PDE3A: variants seen among roughly 807,000 people sequenced by gnomAD.
PDE3A encodes phosphodiesterase 3A.
PDE3A carries 43 observed loss-of-function variants against 98.3 expected under a neutral mutation model. That is an observed-to-expected ratio of 0.44 (90% CI 0.34 to 0.56). The LOEUF (loss-of-function observed/expected upper bound fraction) is 0.56, where lower values mean the gene tolerates loss of function less well. PDE3A is among the 20% of genes least tolerant of loss of function. The pLI is 0.01. For synonymous variants in PDE3A, 663 were observed against 567.9 expected (o/e 1.17, Z -2.38); for missense variants, 1,427 against 1,440.7 (o/e 0.99, Z 0.15).
Position 20,648,820 on chromosome 12 carries a change from C to G in PDE3A, c.2698C>G (p.Leu900Val), listed in dbSNP as rs1280653666. The change falls in exon 13 of 16, where the codon CTT becomes GTT. Residue 900 changes from leucine (L) to valine (V), a missense_variant. This residue lies in a region of PDE3A where 273 missense variants were observed against 420.3 expected (regional missense o/e 0.65). Transcript: ENST00000359062. ...DHVEFKHFRF[L>V]VIEAILATDL... ...TGTGGAATTTAAGCATTTCCGTTTCCTTGTCATTGAAGCAATTTTGGCCAC... is the reference window on the plus strand; with the variant it reads ...TGTGGAATTTAAGCATTTCCGTTTCGTTGTCATTGAAGCAATTTTGGCCAC... 1 of 1,613,676 alleles carries G rather than the reference C, an allele frequency of 6.2e-7. No individual in the cohort carries two copies. Among genetic ancestry groups the G allele is most frequent in the Non-Finnish European group, 8.5e-7 (1 of 1,179,856 alleles).
intron 1 of PDE3A, among the ~76,000 whole-genome samples, chr12:20,488,879 C>CAAAA (rs5796863): frequency 6.7e-5 from 8 of 118,966 alleles, no homozygotes; most frequent in African/African-American, 1.3e-4. Context: ...TCCCTGTCTC[C>CAAAA]AAAAAAAAAA....
intron 2 of PDE3A, among the ~76,000 whole-genome samples, chr12:20,592,508 T>A (rs1360453709): frequency 6.6e-6 from 1 of 152,202 alleles, no homozygotes; most frequent in East Asian, 1.9e-4. Context: ...TCCAATGATG[T>A]ATGTGTGCTG....
At chr12:20,403,243 G>T (rs1944167039) in intron 1 of PDE3A, among the ~76,000 whole-genome samples, 1 of 152,156 alleles carries the variant, frequency 6.6e-6, no homozygotes, top group African/African-American at 2.4e-5. Context: ...ATATTTTCCT[G>T]ATGCTGAATG....
At chr12:20,446,452 G>T (rs779047499) in intron 1 of PDE3A, among the ~76,000 whole-genome samples, 2 of 152,148 alleles carry the variant, frequency 1.3e-5, no homozygotes, top group Non-Finnish European at 2.9e-5. Context: ...TGGCGAGAAG[G>T]CTGATCCTTA....
intron 1 of PDE3A, among the ~76,000 whole-genome samples, chr12:20,510,701 G>C (rs1276432569): frequency 1.3e-5 from 2 of 152,032 alleles, no homozygotes; most frequent in Non-Finnish European, 2.9e-5. Context: ...TTCCATTGTA[G>C]AAATAGAAGA....
chr12:20,457,446 A>G (rs1945171874), intron 1 of PDE3A, among the ~76,000 whole-genome samples: 1 of 151,908 alleles, frequency 6.6e-6, no homozygotes, highest in Non-Finnish European at 1.5e-5. Flanking sequence ...ATACATATAC[A>G]TGCATGTAAC....
chr12:20,560,999 A>T (rs2121284126), intron 2 of PDE3A, among the ~76,000 whole-genome samples: 1 of 149,592 alleles, frequency 6.7e-6, no homozygotes, highest in East Asian at 1.9e-4. Context: ...GCAGTGGCTC[A>T]CGCTTGTAAT....
At position 20,518,719 on chromosome 12, in the gene PDE3A, A is replaced by G. The variant is rs548609892; in HGVS notation, c.961-37941A>G. Reference sequence around the variant, plus strand: ...TGGTGACCAATTTTTTTGGTAAAAGAGTTAATAAATCACTTAATAATGGAT... The same window carrying G: ...TGGTGACCAATTTTTTTGGTAAAAGGGTTAATAAATCACTTAATAATGGAT... On this transcript the variant is annotated intron_variant, in intron 1 of 15. Transcript: ENST00000359062. Among the ~76,000 whole-genome samples, 13 of 152,334 alleles carry G rather than the reference A, an allele frequency of 8.5e-5. No homozygotes were observed. In the East Asian group the frequency reaches 2.3e-3, roughly 27 times the overall value.
chr12:20,505,470 A>C (rs755870370), intron 1 of PDE3A, among the ~76,000 whole-genome samples: 14 of 151,938 alleles, frequency 9.2e-5, no homozygotes, highest in Non-Finnish European at 1.5e-4. Context: ...GTACATTTTT[A>C]GGTCCTCTCA....
intron 1 of PDE3A, among the ~76,000 whole-genome samples, chr12:20,425,617 A>G (rs1301826433): frequency 6.6e-6 from 1 of 152,216 alleles, no homozygotes; most frequent in Non-Finnish European, 1.5e-5. Context: ...AGTGACTTTC[A>G]TATTTAGGAT....
At chr12:20,609,945 T>TTAC (rs1170039317) in intron 2 of PDE3A, among the ~76,000 whole-genome samples, 10 of 134,140 alleles carry the variant, frequency 7.5e-5, no homozygotes, top group African/African-American at 2.1e-4. Context: ...GTGAAACTTA[T>TTAC]AGAAGAGAAC....
chr12:20,404,596 T>C (rs1296566427), intron 1 of PDE3A, among the ~76,000 whole-genome samples: 1 of 152,190 alleles, frequency 6.6e-6, no homozygotes, highest in African/African-American at 2.4e-5. Context: ...AAAATAAATA[T>C]ATTGAATGGT....
chr12:20,603,539 T>G (rs928347242), intron 2 of PDE3A, among the ~76,000 whole-genome samples: 1 of 151,890 alleles, frequency 6.6e-6, no homozygotes, highest in African/African-American at 2.4e-5. Flanking sequence ...GGTTTTTGTT[T>G]TTATTGTTTT....
intron 1 of PDE3A, among the ~76,000 whole-genome samples, chr12:20,532,919 G>A (rs1043982313): frequency 2.0e-4 from 31 of 151,586 alleles, no homozygotes; most frequent in Non-Finnish European, 3.4e-4. Context: ...CTCGTGATCC[G>A]CCCGCCTCGG....
chr12:20,596,188 C>A (rs1943462040), intron 2 of PDE3A, among the ~76,000 whole-genome samples: 1 of 152,122 alleles, frequency 6.6e-6, no homozygotes, highest in African/African-American at 2.4e-5. Context: ...GCAATTATGT[C>A]TACAAGAAGA....
At position 20,540,081 on chromosome 12, in the gene PDE3A, C is replaced by T. The variant is rs1811894577; in HGVS notation, c.961-16579C>T. Among the ~76,000 whole-genome samples, 3 of 152,062 alleles carry T rather than the reference C, an allele frequency of 2.0e-5. No individual in the cohort carries two copies. In the South Asian group the frequency reaches 6.2e-4, roughly 31 times the overall value. On this transcript the variant is annotated intron_variant, in intron 1 of 15. Transcript: ENST00000359062. Reference sequence around the variant, plus strand: ...CTGTAACAGGACTAGATTGTTTAAACAGCAAGTAAAAGCCTGAAAAGAAGA... The same window carrying T: ...CTGTAACAGGACTAGATTGTTTAAATAGCAAGTAAAAGCCTGAAAAGAAGA...
intron 15 of PDE3A, among the ~76,000 whole-genome samples, chr12:20,679,822 C>G (rs943681404): frequency 7.1e-6 from 1 of 141,234 alleles, no homozygotes; most frequent in African/African-American, 2.8e-5. Context: ...CCATCTTCCT[C>G]TTTTTTCCCC....
intron 6 of PDE3A, 57 bp downstream of exon 6, chr12:20,630,184 A>G: frequency 1.6e-6 from 2 of 1,253,812 alleles, no homozygotes; most frequent in Admixed American, 1.7e-5. Flanking sequence ...GTTTTCCCCT[A>G]GAAATACCTA....
intron 1 of PDE3A, among the ~76,000 whole-genome samples, chr12:20,419,529 C>G (rs551134896): frequency 6.6e-6 from 1 of 151,050 alleles, no homozygotes; most frequent in Admixed American, 6.6e-5. Context: ...TTTTTTAGTT[C>G]CAAGGATGCT....
Sources: allele counts gnomAD v4.1 joint callset (sites outside exome capture counted in the v4.1 genomes callset), GRCh38; gene constraint gnomAD v4.1.1; regional missense constraint gnomAD v4.1.1; transcripts MANE v1.5; gene names NCBI Gene and HGNC (gene_info 2026-07-23, HGNC 2026-07-21).